ARID3B: variants seen among roughly 807,000 people sequenced by gnomAD.
ARID3B encodes AT-rich interactive domain-containing protein 3B.
Under a neutral mutation model 51.9 loss-of-function variants are expected in ARID3B, and 10 were observed. That is an observed-to-expected ratio of 0.19 (90% CI 0.12 to 0.33). The LOEUF (loss-of-function observed/expected upper bound fraction) is 0.33. ARID3B is among the 10% of genes least tolerant of loss of function. The probability of loss-of-function intolerance (pLI) is 1.00; values close to 1 mark genes in which losing one functional copy is unlikely to be tolerated. For synonymous variants in ARID3B, 205 were observed against 279.5 expected (o/e 0.73, Z 2.66); for missense variants, 483 against 716.3 (o/e 0.67, Z 3.72).
chr15:74,555,159 A>G (rs964464937), intron 2 of ARID3B, among the ~76,000 whole-genome samples: 2 of 152,198 alleles, frequency 1.3e-5, no homozygotes, highest in African/African-American at 4.8e-5. Flanking sequence ...TATTACAAGA[A>G]AAACAATAAC....
chr15:74,569,502 G>A (rs900334274), intron 2 of ARID3B, among the ~76,000 whole-genome samples: 1 of 152,132 alleles, frequency 6.6e-6, no homozygotes, highest in Non-Finnish European at 1.5e-5. Flanking sequence ...CAGGAGAATC[G>A]CCTGAACCTA....
At chr15:74,544,533 C>T (rs1401137041) in intron 2 of ARID3B, 45 bp downstream of exon 2, 3 of 1,575,900 alleles carry the variant, frequency 1.9e-6, no homozygotes, top group Non-Finnish European at 2.6e-6. Flanking sequence ...TCCTGAAGGC[C>T]AGAGAGGGGT....
In ARID3B at chr15:74,555,726, T is replaced by C. The variant is rs543477580; in HGVS notation, c.552+11238T>C. 3.3e-4 allele frequency among the ~76,000 whole-genome samples: 50 copies of C among 151,902 alleles called. 1 individual carries two copies. Among genetic ancestry groups the C allele is most frequent in the African/African-American group, 1.2e-3 (48 of 41,448 alleles). On this transcript the variant is annotated intron_variant, in intron 2 of 8. Coordinates refer to ENST00000346246, the MANE Select transcript of ARID3B (RefSeq NM_006465.4). ...TTTCCAGAAGGTTTCCAATTTGCTT[T>C]GCCCGGATCCATAAGAGGAATCCCT...
At chr15:74,545,948 T>G (rs933911118) in intron 2 of ARID3B, among the ~76,000 whole-genome samples, 1 of 152,210 alleles carries the variant, frequency 6.6e-6, no homozygotes, top group African/African-American at 2.4e-5. Context: ...GTTGTAAGGA[T>G]TAACCGAGCT....
At position 74,581,859 on chromosome 15, in the gene ARID3B, A is replaced by G. The variant is rs11632906; in HGVS notation, c.698-7961A>G. Reference sequence around the variant, plus strand: ...GCCTCTTTTGTCCCAAAGTGAACCAATATTCAGTAAATCATCTAAGAGTTG... The same window carrying G: ...GCCTCTTTTGTCCCAAAGTGAACCAGTATTCAGTAAATCATCTAAGAGTTG... On this transcript the variant is annotated intron_variant, in intron 4 of 8. Transcript: ENST00000346246. Among the ~76,000 whole-genome samples, 687 of 152,360 alleles carry G rather than the reference A, an allele frequency of 4.5e-3. 4 individuals are homozygous for G. The highest frequency in any genetic ancestry group is 7.3e-3 in the Admixed American group (111 of 15,304).
chr15:74,595,555 T>A (rs774761819), intron 8 of ARID3B, 56 bp from the exon 9 acceptor site: 19 of 1,575,574 alleles, frequency 1.2e-5, no homozygotes, highest in Non-Finnish European at 1.6e-5. Context: ...TGAAAGGAGC[T>A]GGCCCTCCCC....
chr15:74,593,115 C>T, intron 7 of ARID3B, 23 bp from the exon 8 acceptor site: 2 of 1,609,104 alleles, frequency 1.2e-6, no homozygotes, highest in African/African-American at 1.3e-5. Context: ...TGACCAGGCC[C>T]ACTGTCTCCC....
rs2061826599 is a variant in ARID3B at position 74,596,654 on chromosome 15, G to C, written c.*880G>C. On this transcript the variant is annotated 3_prime_UTR_variant, in exon 9 of 9. Transcript: ENST00000346246. ...GCTCAGCCCTCTTCTATTTCTTATG[G>C]GGCCATCTTGGCCTCACCATCCCCA... 4.3e-6 allele frequency: 1 copy of C among 233,704 alleles called. No homozygotes were observed. Among genetic ancestry groups the C allele is most frequent in the African/African-American group, 2.2e-5 (1 of 45,448 alleles). The allele number at this position is 233,704 out of a possible 1,614,324, so 14.5% of individuals were successfully genotyped here.
At chr15:74,559,911 A>C (rs2061672748) in intron 2 of ARID3B, among the ~76,000 whole-genome samples, 1 of 151,726 alleles carries the variant, frequency 6.6e-6, no homozygotes, top group Non-Finnish European at 1.5e-5. Context: ...TTTTATATAC[A>C]GGCTGGGTGC....
At chr15:74,547,497 T>C (rs1263661450) in intron 2 of ARID3B, among the ~76,000 whole-genome samples, 1 of 152,198 alleles carries the variant, frequency 6.6e-6, no homozygotes, top group African/African-American at 2.4e-5. Flanking sequence ...ACAGATCTTA[T>C]TGTTAATGTG....
intron 4 of ARID3B, among the ~76,000 whole-genome samples, chr15:74,580,906 A>C (rs1255641360): frequency 6.6e-6 from 1 of 152,212 alleles, no homozygotes; most frequent in Non-Finnish European, 1.5e-5. Context: ...GTAGAACCTG[A>C]TGTGCAAGAT....
At chr15:74,551,613 G>C (rs1025431999) in intron 2 of ARID3B, among the ~76,000 whole-genome samples, 1 of 152,042 alleles carries the variant, frequency 6.6e-6, no homozygotes, top group African/African-American at 2.4e-5. Flanking sequence ...CCACGTTTAC[G>C]CATCTTCTCT....
At chr15:74,569,446 G>T (rs1481900613) in intron 2 of ARID3B, among the ~76,000 whole-genome samples, 1 of 152,048 alleles carries the variant, frequency 6.6e-6, no homozygotes, top group African/African-American at 2.4e-5. Flanking sequence ...AATTAGCCGG[G>T]CGTACTGGCA....
intron 2 of ARID3B, among the ~76,000 whole-genome samples, chr15:74,553,100 G>A (rs539008552): frequency 6.6e-6 from 1 of 152,272 alleles, no homozygotes; most frequent in East Asian, 1.9e-4. Context: ...ATTTGGTATC[G>A]TTAGTGCTTT....
At position 74,596,070 on chromosome 15, in the gene ARID3B, T is replaced by G; in HGVS notation, c.*296T>G. ...CAGGGTTCCCCAGCCACCTCCCAGC[T>G]CAGGGCACAGTGTATCGACAATCTG... On this transcript the variant is annotated 3_prime_UTR_variant, in exon 9 of 9. Transcript: ENST00000346246. The G allele has an allele frequency of 2.4e-6, 1 of 413,224 alleles. No homozygotes were observed. Among genetic ancestry groups the G allele is most frequent in the Non-Finnish European group, 4.3e-6 (1 of 231,422 alleles). The allele number at this position is 413,224 out of a possible 1,614,324, so 25.6% of individuals were successfully genotyped here.
At chr15:74,575,166 G>A (rs1567122708) in intron 4 of ARID3B, 1 of 152,108 alleles carries the variant, frequency 6.6e-6, no homozygotes, top group Non-Finnish European at 1.5e-5. Flanking sequence ...TGCAAACCCA[G>A]GAGCTGATCC....
In ARID3B at chr15:74,594,724, A is replaced by G. The variant is rs561097554; in HGVS notation, c.1520-887A>G. Reference sequence around the variant, plus strand: ...GGATCTCTGCTGGGCCACTCACTTCAGAGAGAGGACAGAGTGTAGAGGAGC... The same window carrying G: ...GGATCTCTGCTGGGCCACTCACTTCGGAGAGAGGACAGAGTGTAGAGGAGC... On this transcript the variant is annotated intron_variant, in intron 8 of 8. Coordinates refer to ENST00000346246, the MANE Select transcript of ARID3B (RefSeq NM_006465.4). 3.3e-5 allele frequency among the ~76,000 whole-genome samples: 5 copies of G among 152,346 alleles called. No individual in the cohort carries two copies. In the South Asian group the frequency reaches 1.0e-3, roughly 32 times the overall value.
chr15:74,597,532 C>T lies in ARID3B; in HGVS notation c.*1758C>T. On this transcript the variant is annotated 3_prime_UTR_variant, in exon 9 of 9. Coordinates refer to ENST00000346246, the MANE Select transcript of ARID3B (RefSeq NM_006465.4). Reference sequence around the variant, plus strand: ...ACACATACACACACACACACACATACCCCATCTCCCGAGGGCTGACCTCCT... The same window carrying T: ...ACACATACACACACACACACACATATCCCATCTCCCGAGGGCTGACCTCCT... 2 of 535,924 alleles carry T rather than the reference C, an allele frequency of 3.7e-6. No individual in the cohort carries two copies. Among genetic ancestry groups the T allele is most frequent in the South Asian group, 1.5e-5 (1 of 65,190 alleles). 33.2% of individuals were successfully genotyped at this position (535,924 alleles called of 1,614,324 possible).
At position 74,591,870 on chromosome 15, in the gene ARID3B, G is replaced by T; in HGVS notation, c.1420+56G>T. 6.3e-7 allele frequency: 1 copy of T among 1,581,908 alleles called. No individual in the cohort carries two copies. The highest frequency in any genetic ancestry group is 1.2e-5 in the South Asian group (1 of 85,792). On this transcript the variant is annotated intron_variant, in intron 7 of 8. Transcript: ENST00000346246. The surrounding 1 kb of genome is among the most constrained non-coding windows in gnomAD (Gnocchi z 5.8). Reference sequence around the variant, plus strand: ...TCCTGGAAACCCCAAGCCCATTCACGCCTCCTGGGACTGGTGGGGCAGGGG... The same window carrying T: ...TCCTGGAAACCCCAAGCCCATTCACTCCTCCTGGGACTGGTGGGGCAGGGG...
Sources: gnomAD v4.1 joint callset for allele counts (sites outside exome capture counted in the v4.1 genomes callset) on GRCh38, gnomAD v4.1.1 for gene constraint, Gnocchi (gnomAD v3.1) non-coding constraint, MANE v1.5 for transcripts, NCBI Gene and HGNC (gene_info 2026-07-23, HGNC 2026-07-21) for gene names.